The following IST1 variants were observed in gnomAD, a reference collection of about 807,000 sequenced individuals.
The protein encoded by IST1 is IST1 homolog.
Under a neutral mutation model 37.0 loss-of-function variants are expected in IST1, and 23 were observed. That is an observed-to-expected ratio of 0.62 (90% CI 0.45 to 0.88). The LOEUF is 0.88. IST1 is among the 40% of genes least tolerant of loss of function. The pLI is 0.00. For missense variants in IST1, 488 were observed against 445.4 expected, an observed-to-expected ratio of 1.10 and a Z score of -0.86; for synonymous variants, 180 against 161.7, an observed-to-expected ratio of 1.11 and a Z score of -0.86.
chr16:71,923,310 T>G lies in IST1; in HGVS notation c.782T>G (p.Met261Arg). ...CAGTCAGATTTCAATGGACTGCCAA[T>G]GGGGACTTATCAGGCCTTTCCCAAT... is the stretch of plus-strand genomic sequence containing the variant. ...KGPSDFNGLP[M>R]GTYQAFPNIH... The change falls in exon 8 of 10, where the codon ATG (methionine) becomes AGG (arginine). Residue 261 changes from methionine (M) to arginine (R), a missense_variant. Met to Arg is a moderately conservative substitution (Grantham distance 91). This residue lies in a region of IST1 where 455 missense variants were observed against 386.2 expected (regional missense o/e 1.18). Coordinates refer to ENST00000378799, the MANE Select transcript of IST1 (RefSeq NM_001270975.2). 1.9e-6 allele frequency: 3 copies of G among 1,611,572 alleles called. 1 individual carries two copies. The South Asian group carries it at 3.3e-5, about 18-fold the overall frequency.
At chr16:71,901,416 C>T (rs1239735216) in intron 1 of IST1, among the ~76,000 whole-genome samples, 3 of 152,038 alleles carry the variant, frequency 2.0e-5, no homozygotes, top group South Asian at 4.1e-4. Context: ...GGTTTCACTG[C>T]GTTAGCCAGA....
At chr16:71,899,571 GAAC>G (rs1361241573) in intron 1 of IST1, among the ~76,000 whole-genome samples, 15 of 151,814 alleles carry the variant, frequency 9.9e-5, no homozygotes, top group Admixed American at 1.3e-4. Flanking sequence ...TCTTTTATAA[GAAC>G]AACAACAAAA....
rs916718065 is a variant in IST1, at chr16:71,924,518, G to A, written c.853-251G>A. On this transcript the variant is annotated intron_variant, in intron 8 of 9. Coordinates refer to ENST00000378799, the MANE Select transcript of IST1 (RefSeq NM_001270975.2). ...AGGCGGGGCAATGGCTGGAGGCCAGGAAGTGGAGGCTGTGGTGAGCCGTGA... is the reference window on the plus strand; with the variant it reads ...AGGCGGGGCAATGGCTGGAGGCCAGAAAGTGGAGGCTGTGGTGAGCCGTGA... The A allele has an allele frequency of 5.3e-6, 3 of 571,126 alleles. No individual in the cohort carries two copies. In the African/African-American group the frequency reaches 5.6e-5, roughly 11 times the overall value. 35.4% of individuals were successfully genotyped at this position (571,126 alleles called of 1,614,324 possible). A position where few individuals can be genotyped will look rare whatever the true frequency, so the allele number is the denominator to read the frequency against.
chr16:71,905,985 A>C (rs1349389948), intron 1 of IST1, among the ~76,000 whole-genome samples: 2 of 151,770 alleles, frequency 1.3e-5, no homozygotes, highest in Non-Finnish European at 2.9e-5. Flanking sequence ...TCTGCATTAA[A>C]AACTTCTTAA....
intron 1 of IST1, among the ~76,000 whole-genome samples, chr16:71,904,252 T>C (rs1038419663): frequency 1.3e-5 from 2 of 152,142 alleles, no homozygotes; most frequent in Non-Finnish European, 2.9e-5. Context: ...GCCTCCCAAG[T>C]AGCTGGGATT....
At chr16:71,895,437 T>A (rs1158683607), upstream of IST1, 2 of 834,846 alleles carry the variant, frequency 2.4e-6, no homozygotes, top group African/African-American at 3.7e-5. Flanking sequence ...GCAGCGGCGA[T>A]CGCGCAGCCA....
chr16:71,895,957 C>G (rs553846516), intron 1 of IST1, among the ~76,000 whole-genome samples: 1 of 152,348 alleles, frequency 6.6e-6, no homozygotes, highest in East Asian at 1.9e-4. Context: ...ACCCCTACCC[C>G]GTCTTTTCTG....
Position 71,922,608 on chromosome 16 carries a change from A to C in IST1, c.687A>C (p.Pro229=), listed in dbSNP as rs28470844. ...TTGGTGGACCTGATGGAACGGTGCC[A>C]ATGCCCATGCCCATGCCCATGCCTA... ...APVGGPDGTV[P]MPMPMPMPMP... Residue 229 remains proline (P), a synonymous_variant, in exon 7 of 10, where the codon CCA becomes CCC. Transcript: ENST00000378799. 6 of 1,613,172 alleles carry C rather than the reference A, an allele frequency of 3.7e-6. No individual in the cohort carries two copies. The highest frequency in any genetic ancestry group is 1.7e-5 in the Admixed American group (1 of 59,920).
rs902707810 is a variant in IST1, at chr16:71,930,449, C to G, written c.*2636C>G. On this transcript the variant is annotated 3_prime_UTR_variant, in exon 10 of 10. Coordinates refer to ENST00000378799, the MANE Select transcript of IST1 (RefSeq NM_001270975.2). ...AGTTGCAGTGGAATTGGAAATGATT[C>G]AAATGTCACATGAGTTTTGGCAAAA... 3.4e-6 allele frequency: 1 copy of G among 291,516 alleles called. No individual in the cohort carries two copies. The highest frequency in any genetic ancestry group is 6.3e-6 in the Non-Finnish European group (1 of 158,554). 18.1% of individuals were successfully genotyped at this position (291,516 alleles called of 1,614,324 possible). A position where few individuals can be genotyped will look rare whatever the true frequency, so the allele number is the denominator to read the frequency against.
intron 1 of IST1, among the ~76,000 whole-genome samples, chr16:71,907,029 C>CA (rs547334560): frequency 3.4e-4 from 50 of 148,060 alleles, no homozygotes; most frequent in South Asian, 6.4e-4. Flanking sequence ...GACTCCGTCT[C>CA]AAAAAAAAAA....
rs145711375 is a variant in IST1 at position 71,922,621 on chromosome 16, A to G, written c.700A>G (p.Met234Val). ...TGGAACGGTGCCAATGCCCATGCCC[A>G]TGCCCATGCCTATGCCATCTGCAAA... ...PDGTVPMPMP[M>V]PMPMPSANTP... The change falls in exon 7 of 10, where the codon ATG becomes GTG. Residue 234 changes from methionine to valine, a missense_variant. Transcript: ENST00000378799. 6 of 1,611,834 alleles carry G rather than the reference A, an allele frequency of 3.7e-6. No individual in the cohort carries two copies. The highest frequency in any genetic ancestry group is 1.6e-4 in the Middle Eastern group (1 of 6,074).
rs767977544 is a variant in IST1, at chr16:71,927,640, G to C, written c.928G>C (p.Ala310Pro). 8 of 1,613,896 alleles carry C rather than the reference G, an allele frequency of 5.0e-6. No individual in the cohort carries two copies. In the Admixed American group the frequency reaches 1.2e-4, roughly 24 times the overall value. The change falls in exon 10 of 10, where the codon GCA becomes CCA. Residue 310 changes from alanine (A) to proline (P), a missense_variant. Physicochemically the swap from Ala to Pro is conservative, Grantham distance 27 (BLOSUM62 -1). Around this residue, in one of 2 missense-constraint regions of IST1, gnomAD observed 455 missense variants for 386.2 expected, o/e 1.18. Transcript: ENST00000378799. ...TCCTGGACCCAAGCCAGAAGCCTCTGCAAAGCTTCCTTCCAGACCTGCAGA... is the reference window on the plus strand; with the variant it reads ...TCCTGGACCCAAGCCAGAAGCCTCTCCAAAGCTTCCTTCCAGACCTGCAGA... ...VGPGPKPEAS[A>P]KLPSRPADNY... is the part of the protein sequence containing the mutation.
intron 1 of IST1, among the ~76,000 whole-genome samples, chr16:71,909,153 G>A (rs1386352630): frequency 6.9e-6 from 1 of 144,358 alleles, no homozygotes; most frequent in Non-Finnish European, 1.5e-5. Flanking sequence ...GGCCTGGAGT[G>A]CAGTGTCATG....
At chr16:71,925,011 A>ATTTTTT (rs539063040) in intron 9 of IST1, among the ~76,000 whole-genome samples, 194 bp downstream of exon 9, 1 of 132,336 alleles carries the variant, frequency 7.6e-6, no homozygotes. Flanking sequence ...TAGCTCAGTG[A>ATTTTTT]TTTTTTTTTT....
intron 1 of IST1, among the ~76,000 whole-genome samples, chr16:71,907,344 C>A (rs1186582056): frequency 6.7e-6 from 1 of 149,546 alleles, no homozygotes; most frequent in African/African-American, 2.5e-5. Context: ...GTGGTGCGAT[C>A]TCCGCTCACT....
intron 1 of IST1, among the ~76,000 whole-genome samples, chr16:71,912,323 C>T (rs1427930302): frequency 2.6e-5 from 4 of 152,188 alleles, no homozygotes; most frequent in South Asian, 2.1e-4. Context: ...CTGCAAGCTC[C>T]GCCTCCTGGG....
chr16:71,895,355 G>C (rs2036940635), upstream of IST1: 1 of 177,352 alleles, frequency 5.6e-6, no homozygotes, highest in African/African-American at 2.4e-5. Flanking sequence ...CCCGCCGCGG[G>C]AAGTAGTCCC....
At position 71,895,595 on chromosome 16, in the gene IST1, T is replaced by C; in HGVS notation, c.-16+6T>C. On this transcript the variant is annotated splice_donor_region_variant and intron_variant, in intron 1 of 9. Transcript: ENST00000378799. Reference sequence around the variant, plus strand: ...TCACGGCAGGATTCGGTTAGGTGAGTGTGGCATCCTCGGCGTCAGAGGTCT... The same window carrying C: ...TCACGGCAGGATTCGGTTAGGTGAGCGTGGCATCCTCGGCGTCAGAGGTCT... 1.0e-6 allele frequency: 1 copy of C among 979,356 alleles called. No homozygotes were observed. The highest frequency in any genetic ancestry group is 1.2e-6 in the Non-Finnish European group (1 of 824,334). 60.7% of individuals were successfully genotyped at this position (979,356 alleles called of 1,614,324 possible).
intron 8 of IST1, chr16:71,924,016 G>A (rs2037675981): frequency 2.3e-6 from 1 of 426,774 alleles, no homozygotes; most frequent in Non-Finnish European, 4.7e-6. Flanking sequence ...CATTTGCTAT[G>A]TAAATTACTC....
Sources: allele counts gnomAD v4.1 joint callset (sites outside exome capture counted in the v4.1 genomes callset), GRCh38; gene constraint gnomAD v4.1.1; regional missense constraint gnomAD v4.1.1; transcripts MANE v1.5; gene names NCBI Gene and HGNC (gene_info 2026-07-23, HGNC 2026-07-21).